Variants in GLIS3 observed in about 807,000 individuals in gnomAD.
GLIS3 encodes the protein zinc finger protein GLIS3.
Under a neutral mutation model 78.6 loss-of-function variants are expected in GLIS3, and 53 were observed. That is an observed-to-expected ratio of 0.67 (90% CI 0.54 to 0.85). GLIS3 has a LOEUF of 0.85. Among genes scored for constraint, GLIS3 ranks in the 40% least tolerant of loss-of-function variants. The pLI, the probability that GLIS3 is intolerant of heterozygous loss-of-function variation, is 0.00. For synonymous variants in GLIS3, 684 were observed against 509.9 expected (o/e 1.34, Z -4.60); for missense variants, 1,703 against 1,231.1 (o/e 1.38, Z -5.74).
At chr9:4,455,764 G>A in the GLIS3 span, among the ~76,000 whole-genome samples, 1 of 152,124 alleles carries the variant, frequency 6.6e-6, no homozygotes, top group African/African-American at 2.4e-5. Context: ...AGAATAAAAA[G>A]AATATTGCAA....
intron 2 of GLIS3, among the ~76,000 whole-genome samples, chr9:4,163,078 A>G (rs977623150): frequency 6.6e-6 from 1 of 152,202 alleles, no homozygotes; most frequent in Non-Finnish European, 1.5e-5. Context: ...GACTCTACAC[A>G]TGTTATACAT....
rs115298543 is a variant in GLIS3, at chr9:4,215,991, C to T, written c.388+70047G>A. 1.5e-3 allele frequency among the ~76,000 whole-genome samples: 231 copies of T among 152,238 alleles called. 2 individuals carry two copies. Among genetic ancestry groups the T allele is most frequent in the African/African-American group, 5.0e-3 (209 of 41,532 alleles). On this transcript the variant is annotated intron_variant, in intron 2 of 10. Coordinates refer to ENST00000381971, the MANE Select transcript of GLIS3 (RefSeq NM_001042413.2). ...ATAACTCTCATTTTGATGCTGGACT[C>T]CATGATGCTTGGGCTGATGGTCCAG...
At chr9:4,180,464 T>C (rs1817208122) in intron 2 of GLIS3, among the ~76,000 whole-genome samples, 1 of 152,158 alleles carries the variant, frequency 6.6e-6, no homozygotes, top group South Asian at 2.1e-4. Flanking sequence ...CCCCACATAA[T>C]TTTTTACGGC....
At chr9:4,372,657 C>A in the GLIS3 span, among the ~76,000 whole-genome samples, 42 of 152,140 alleles carry the variant, frequency 2.8e-4, no homozygotes, top group African/African-American at 9.4e-4. Flanking sequence ...TCTTAGGGAC[C>A]GATGACCAAA....
the GLIS3 span, among the ~76,000 whole-genome samples, chr9:4,467,713 A>T: frequency 1.3e-5 from 2 of 152,216 alleles, no homozygotes; most frequent in African/African-American, 4.8e-5. Context: ...AATTCTAAAA[A>T]TCAGAGGGCC....
intron 9 of GLIS3, among the ~76,000 whole-genome samples, chr9:3,844,427 A>G (rs1393523030): frequency 6.6e-6 from 1 of 152,226 alleles, no homozygotes; most frequent in African/African-American, 2.4e-5. Context: ...CAATTAATTC[A>G]TTTTAAGAGT....
intron 2 of GLIS3, among the ~76,000 whole-genome samples, chr9:4,244,404 C>G (rs533740329): frequency 1.2e-4 from 18 of 152,272 alleles, no homozygotes; most frequent in Admixed American, 1.0e-3. Flanking sequence ...CAGGCGTATG[C>G]TGTTAGTATT....
intron 8 of GLIS3, among the ~76,000 whole-genome samples, chr9:3,865,165 A>G (rs1244098827): frequency 1.3e-5 from 2 of 152,206 alleles, no homozygotes; most frequent in Non-Finnish European, 2.9e-5. Context: ...AAAGCAACCA[A>G]AGACTATTTC....
intron 2 of GLIS3, among the ~76,000 whole-genome samples, chr9:4,221,988 G>A (rs887719790): frequency 1.3e-5 from 2 of 152,202 alleles, no homozygotes; most frequent in Non-Finnish European, 2.9e-5. Context: ...AGCTGCCTGT[G>A]CACAGAACCA....
chr9:4,098,283 C>A (rs1032740392), intron 4 of GLIS3, among the ~76,000 whole-genome samples: 1 of 152,182 alleles, frequency 6.6e-6, no homozygotes, highest in Non-Finnish European at 1.5e-5. Flanking sequence ...AAAGCCATGT[C>A]ATTCACTGAC....
the GLIS3 span, among the ~76,000 whole-genome samples, chr9:4,405,995 G>C: frequency 6.6e-6 from 1 of 152,148 alleles, no homozygotes; most frequent in African/African-American, 2.4e-5. Context: ...TGCTGAAAAA[G>C]CATTTGATAA....
At chr9:4,432,138 G>T in the GLIS3 span, among the ~76,000 whole-genome samples, 5 of 152,168 alleles carry the variant, frequency 3.3e-5, no homozygotes, top group Non-Finnish European at 5.9e-5. Context: ...CATCTGAAAT[G>T]CATGCCTATC....
chr9:4,169,808 T>C (rs193068783), intron 2 of GLIS3, among the ~76,000 whole-genome samples: 5 of 152,316 alleles, frequency 3.3e-5, no homozygotes, highest in African/African-American at 9.6e-5. Context: ...GTAAAGAGTA[T>C]AGGAGAATTC....
intron 2 of GLIS3, among the ~76,000 whole-genome samples, chr9:4,190,792 G>A (rs1207422754): frequency 6.6e-6 from 1 of 152,032 alleles, no homozygotes; most frequent in East Asian, 1.9e-4. Context: ...AGAAAGGTTG[G>A]GTTACCCACA....
At chr9:4,290,423 G>C (rs1191733919) in intron 1 of GLIS3, among the ~76,000 whole-genome samples, 3 of 152,032 alleles carry the variant, frequency 2.0e-5, no homozygotes, top group Non-Finnish European at 4.4e-5. Context: ...GTTCATGACT[G>C]TATAATTTCA....
chr9:4,482,020 T>C, the GLIS3 span, among the ~76,000 whole-genome samples: 3 of 152,262 alleles, frequency 2.0e-5, no homozygotes, highest in Non-Finnish European at 4.4e-5. Flanking sequence ...TTGTATTTAG[T>C]TCTAGTGAGA....
chr9:3,913,759 T>C (rs2130695501), intron 6 of GLIS3, among the ~76,000 whole-genome samples: 1 of 152,370 alleles, frequency 6.6e-6, no homozygotes, highest in South Asian at 2.1e-4. Flanking sequence ...CATTTTGTAA[T>C]AGCTATTTAG....
At chr9:4,419,574 G>C in the GLIS3 span, among the ~76,000 whole-genome samples, 2 of 152,124 alleles carry the variant, frequency 1.3e-5, no homozygotes, top group Non-Finnish European at 2.9e-5. Flanking sequence ...TGGATCACTT[G>C]AGGTCAGGAG....
At chr9:3,830,208 A>AT (rs139144841) in intron 9 of GLIS3, among the ~76,000 whole-genome samples, 4 of 151,914 alleles carry the variant, frequency 2.6e-5, no homozygotes, top group African/African-American at 4.8e-5. Context: ...ATTCCTTTCA[A>AT]TTTTTTTTCC....
Sources: allele counts gnomAD v4.1 joint callset (sites outside exome capture counted in the v4.1 genomes callset), GRCh38; gene constraint gnomAD v4.1.1; transcripts MANE v1.5; gene names NCBI Gene and HGNC (gene_info 2026-07-23, HGNC 2026-07-21).